Variants in ENOX2 observed in about 807,000 individuals in gnomAD.
ENOX2 encodes the protein APK1 antigen.
A neutral mutation model predicts 45.0 loss-of-function variants in ENOX2; 36 were observed. That is an observed-to-expected ratio of 0.80 (90% confidence interval 0.61 to 1.06). The LOEUF (loss-of-function observed/expected upper bound fraction) is 1.06, where lower values mean the gene tolerates loss of function less well. Ranked by LOEUF, ENOX2 falls within the 50% of genes least tolerant of loss-of-function variation. The pLI is 0.00. For missense variants in ENOX2, 423 were observed against 462.5 expected (o/e 0.91, Z 0.78); for synonymous variants, 174 against 152.3 (o/e 1.14, Z -1.05).
At chrX:130,665,839 C>T (rs1364008159) in intron 8 of ENOX2, 90 bp from the exon 9 acceptor site, 1 of 567,990 alleles carries the variant, frequency 1.8e-6, no homozygotes, top group African/African-American at 2.2e-5. Context: ...AAAAGAGAAG[C>T]ATCAGGCTTG....
At chrX:130,664,126 G>A (rs1330546066) in intron 9 of ENOX2, among the ~76,000 whole-genome samples, 1 of 111,895 alleles carries the variant, frequency 8.9e-6, no homozygotes, top group East Asian at 2.8e-4. Flanking sequence ...CTGTCTTCAG[G>A]GATTTCTTTC....
chrX:130,893,848 C>G (rs1371398646), intron 2 of ENOX2, among the ~76,000 whole-genome samples: 1 of 111,831 alleles, frequency 8.9e-6, no homozygotes, highest in Non-Finnish European at 1.9e-5. Flanking sequence ...CCTTTTTCCT[C>G]CCCCAAATCC....
intron 3 of ENOX2, among the ~76,000 whole-genome samples, chrX:130,781,930 A>G (rs1315441530): frequency 9.0e-6 from 1 of 111,468 alleles, no homozygotes; most frequent in Non-Finnish European, 1.9e-5. Flanking sequence ...TAACTAAAAG[A>G]CCACCGCAGC....
At chrX:130,816,293 A>G (rs1437346916) in intron 2 of ENOX2, among the ~76,000 whole-genome samples, 1 of 111,077 alleles carries the variant, frequency 9.0e-6, no homozygotes, top group Admixed American at 9.6e-5. Flanking sequence ...CTACAAAGAG[A>G]CTTAGACTCC....
At chrX:130,793,020 GGTGTGCCACTTACTAA>G (rs1027857262) in intron 2 of ENOX2, among the ~76,000 whole-genome samples, 17 of 112,023 alleles carry the variant, frequency 1.5e-4, no homozygotes, top group Non-Finnish European at 2.6e-4. Flanking sequence ...CAACTTACTA[GGTGTGCCACTTACTAA>G]GTGTGCCACT....
At chrX:130,745,843 G>C (rs909688785) in intron 3 of ENOX2, among the ~76,000 whole-genome samples, 7 of 111,829 alleles carry the variant, frequency 6.3e-5, no homozygotes, top group African/African-American at 2.3e-4. Context: ...TTTTGATGAA[G>C]CTTCATGTTC....
chrX:130,772,341 T>A (rs748807978), intron 3 of ENOX2, among the ~76,000 whole-genome samples: 1 of 111,839 alleles, frequency 8.9e-6, no homozygotes, highest in Admixed American at 9.5e-5. Flanking sequence ...TAATTTAGGA[T>A]GCATTAGTCA....
chrX:130,656,884 CT>C (rs1317465156), intron 9 of ENOX2, among the ~76,000 whole-genome samples, 189 bp from the exon 10 acceptor site: 4 of 111,854 alleles, frequency 3.6e-5, no homozygotes, highest in African/African-American at 9.7e-5. Flanking sequence ...TGGTTATACT[CT>C]GTCTTGCATT....
chrX:130,879,517 T>A (rs1285735856), intron 2 of ENOX2, among the ~76,000 whole-genome samples: 1 of 101,710 alleles, frequency 9.8e-6, no homozygotes, highest in African/African-American at 3.5e-5. Context: ...AGTAAGAGAA[T>A]AGGTAACCAT....
intron 6 of ENOX2, among the ~76,000 whole-genome samples, chrX:130,672,874 T>C (rs1253156457): frequency 8.9e-6 from 1 of 111,872 alleles, no homozygotes; most frequent in Non-Finnish European, 1.9e-5. Context: ...GTGCTCATCA[T>C]TGGGTTATTC....
intron 10 of ENOX2, among the ~76,000 whole-genome samples, chrX:130,648,732 G>T (rs1299122960): frequency 9.1e-6 from 1 of 109,617 alleles, no homozygotes; most frequent in Admixed American, 9.7e-5. Flanking sequence ...GGGAAGGGGG[G>T]TGCATTCTCA....
At chrX:130,873,068 CT>C (rs1227549712) in intron 2 of ENOX2, among the ~76,000 whole-genome samples, 1 of 111,938 alleles carries the variant, frequency 8.9e-6, no homozygotes, top group African/African-American at 3.2e-5. Flanking sequence ...AACTAAAGAG[CT>C]TTTGCACAAC....
chrX:130,792,405 T>A (rs2077057378), intron 2 of ENOX2, among the ~76,000 whole-genome samples: 1 of 112,446 alleles, frequency 8.9e-6, no homozygotes, highest in African/African-American at 3.2e-5. Flanking sequence ...AACTTAAAAG[T>A]TTTTAAAAAA....
intron 4 of ENOX2, among the ~76,000 whole-genome samples, chrX:130,700,025 A>C (rs189980877): frequency 9.5e-4 from 106 of 111,922 alleles, no homozygotes; most frequent in African/African-American, 3.3e-3. Flanking sequence ...CAACCCTACA[A>C]CATAGGTGCC....
intron 2 of ENOX2, among the ~76,000 whole-genome samples, chrX:130,804,271 T>A (rs1428801514): frequency 8.9e-6 from 1 of 112,111 alleles, no homozygotes; most frequent in African/African-American, 3.2e-5. Context: ...CATCATTCTA[T>A]ACTTATATTT....
chrX:130,802,769 C>T (rs893259990), intron 2 of ENOX2, among the ~76,000 whole-genome samples: 1 of 111,559 alleles, frequency 9.0e-6, no homozygotes, highest in Non-Finnish European at 1.9e-5. Context: ...GTACTATTGC[C>T]TAGTTAATTA....
chrX:130,650,631 A>G (rs1206304328), intron 10 of ENOX2, among the ~76,000 whole-genome samples: 1 of 112,277 alleles, frequency 8.9e-6, no homozygotes, highest in Non-Finnish European at 1.9e-5. Context: ...AGCATAGTAC[A>G]GTGAATGTAT....
intron 2 of ENOX2, among the ~76,000 whole-genome samples, chrX:130,867,588 T>C (rs1017338529): frequency 8.9e-6 from 1 of 112,048 alleles, no homozygotes; most frequent in African/African-American, 3.2e-5. Context: ...ATTCTCAAAT[T>C]AGTTAACATC....
At chrX:130,790,205 G>A (rs927863221) in intron 2 of ENOX2, among the ~76,000 whole-genome samples, 5 of 112,432 alleles carry the variant, frequency 4.4e-5, no homozygotes, top group East Asian at 2.8e-4. Flanking sequence ...AGTCCTTTTC[G>A]GAAGCACTAA....
Sources: gnomAD v4.1 joint callset for allele counts (sites outside exome capture counted in the v4.1 genomes callset) on GRCh38, gnomAD v4.1.1 for gene constraint, MANE v1.5 for transcripts, NCBI Gene and HGNC (gene_info 2026-07-23, HGNC 2026-07-21) for gene names.